The following PDE10A variants were observed in gnomAD, a reference collection of about 807,000 sequenced individuals.
PDE10A encodes phosphodiesterase 10A.
PDE10A carries 39 observed loss-of-function variants against 97.7 expected under a neutral mutation model. The observed-to-expected ratio is 0.40, with a 90% CI of 0.31 to 0.52. PDE10A has a LOEUF of 0.52. PDE10A is among the 20% of genes least tolerant of loss of function. PDE10A has a pLI of 0.56. For missense variants in PDE10A, 731 were observed against 1,047.8 expected, an observed-to-expected ratio of 0.70 and a Z score of 4.17; for synonymous variants, 371 against 376.8, an observed-to-expected ratio of 0.98 and a Z score of 0.18.
At chr6:165,763,594 A>G (rs1793304007) in intron 1 of PDE10A, among the ~76,000 whole-genome samples, 1 of 152,180 alleles carries the variant, frequency 6.6e-6, no homozygotes, top group African/African-American at 2.4e-5. Flanking sequence ...AAGTGCTAGG[A>G]TTACAGGTGC....
chr6:165,556,950 GC>G (rs553616427), intron 1 of PDE10A, among the ~76,000 whole-genome samples: 9 of 152,006 alleles, frequency 5.9e-5, no homozygotes, highest in Non-Finnish European at 1.2e-4. Flanking sequence ...CACCAGCCTG[GC>G]CAAAATGGTA....
chr6:165,985,168 C>A (rs1486172934), intron 1 of PDE10A, among the ~76,000 whole-genome samples: 1 of 152,212 alleles, frequency 6.6e-6, no homozygotes, highest in Non-Finnish European at 1.5e-5. Flanking sequence ...CTCAGATTCT[C>A]CAACATGCCT....
chr6:165,389,977 G>C (rs192429475), intron 16 of PDE10A, among the ~76,000 whole-genome samples: 3 of 152,276 alleles, frequency 2.0e-5, no homozygotes, highest in Admixed American at 1.3e-4. Flanking sequence ...ATTTTGAGTG[G>C]AATTCAGGTT....
chr6:165,796,347 A>C (rs1241051579), intron 1 of PDE10A, among the ~76,000 whole-genome samples: 2 of 151,910 alleles, frequency 1.3e-5, no homozygotes, highest in Non-Finnish European at 2.9e-5. Flanking sequence ...CAGCCTCCTA[A>C]AGTGCTGGGG....
chr6:165,747,091 G>A (rs1792860605), intron 1 of PDE10A, among the ~76,000 whole-genome samples: 1 of 152,000 alleles, frequency 6.6e-6, no homozygotes, highest in Non-Finnish European at 1.5e-5. Context: ...AAACTTGGAA[G>A]ATTTATAACA....
intron 3 of PDE10A, among the ~76,000 whole-genome samples, chr6:165,457,708 G>A (rs1201946495): frequency 1.3e-5 from 2 of 152,102 alleles, no homozygotes; most frequent in African/African-American, 2.4e-5. Context: ...GGGAACCAGG[G>A]GAAAGCCACT....
intron 2 of PDE10A, among the ~76,000 whole-genome samples, chr6:165,488,859 G>A (rs371733288): frequency 6.6e-6 from 1 of 152,048 alleles, no homozygotes; most frequent in South Asian, 2.1e-4. Context: ...GGCCCCCTGG[G>A]AACGTAACTC....
chr6:165,681,394 ATGTGTG>A lies in PDE10A; in HGVS notation c.-614-137832_-614-137827del, dbSNP rs145137771. Reference sequence around the variant, plus strand: ...TAACCTCAATAATTGTCTTGGGAAAATGTGTGTGTGTGTGTGTGTGTGTGTGTGTGT... The same window carrying A: ...TAACCTCAATAATTGTCTTGGGAAAATGTGTGTGTGTGTGTGTGTGTGTGT... On this transcript the variant is annotated intron_variant, in intron 1 of 19. Transcript: ENST00000366882. Among the ~76,000 whole-genome samples the A allele has an allele frequency of 1.0e-3, 155 of 150,556 alleles. 1 individual carries two copies. The highest frequency in any genetic ancestry group is 5.0e-3 in the Admixed American group (75 of 15,090).
Position 165,783,559 on chromosome 6 carries a change from A to C in PDE10A, c.-615+203970T>G, listed in dbSNP as rs1430177388. Among the ~76,000 whole-genome samples the C allele has an allele frequency of 8.7e-5, 13 of 148,804 alleles. No individual in the cohort carries two copies. The Admixed American group carries it at 8.9e-4, about 10-fold the overall frequency. On this transcript the variant is annotated intron_variant, in intron 1 of 19. Coordinates refer to the PDE10A transcript ENST00000366882. ...AAGTAGTGGTGGACATTGTTCACAG[A>C]AGAGAGGATGTTTTCTTATGAAAGG...
intron 1 of PDE10A, among the ~76,000 whole-genome samples, chr6:165,685,678 G>A (rs950900643): frequency 6.6e-6 from 1 of 152,058 alleles, no homozygotes; most frequent in Non-Finnish European, 1.5e-5. Context: ...TCCTCACTAT[G>A]AGAAAAGAAA....
chr6:165,809,614 A>G (rs562798968), intron 1 of PDE10A, among the ~76,000 whole-genome samples: 39 of 152,216 alleles, frequency 2.6e-4, no homozygotes, highest in Admixed American at 2.1e-3. Context: ...TGAGTGGCCA[A>G]TGTAGAGCCT....
At chr6:165,402,701 C>T (rs976526544) in intron 13 of PDE10A, among the ~76,000 whole-genome samples, 3 of 152,066 alleles carry the variant, frequency 2.0e-5, no homozygotes, top group African/African-American at 7.2e-5. Context: ...AAAAACAAAA[C>T]GATAAAGACA....
intron 1 of PDE10A, among the ~76,000 whole-genome samples, chr6:165,564,522 T>C (rs1295613649): frequency 1.3e-5 from 2 of 152,228 alleles, no homozygotes; most frequent in Admixed American, 6.5e-5. Flanking sequence ...ATATCACCTA[T>C]GGCCACCTGC....
At position 165,954,726 on chromosome 6, in the gene PDE10A, C is replaced by A. The variant is rs1012050889; in HGVS notation, c.-615+32803G>T. Among the ~76,000 whole-genome samples, 14 of 152,198 alleles carry A rather than the reference C, an allele frequency of 9.2e-5. No individual in the cohort carries two copies. The South Asian group carries it at 2.9e-3, about 32-fold the overall frequency. On this transcript the variant is annotated intron_variant, in intron 1 of 19. Transcript: ENST00000366882. ...GCCCACCAGGGATCGCACCAGAAGG[C>A]CTTACAAGAAGGCTCAGGGTTTCCG...
At chr6:165,825,317 G>A (rs1452317324) in intron 1 of PDE10A, among the ~76,000 whole-genome samples, 1 of 152,056 alleles carries the variant, frequency 6.6e-6, no homozygotes, top group African/African-American at 2.4e-5. Flanking sequence ...TGGCCAAGTG[G>A]GTCTTTTTCA....
intron 1 of PDE10A, among the ~76,000 whole-genome samples, chr6:165,982,408 G>A (rs187472523): frequency 6.6e-5 from 10 of 152,256 alleles, no homozygotes; most frequent in South Asian, 2.1e-4. Flanking sequence ...TACCACTTAC[G>A]TAATTTCCTA....
At position 165,973,730 on chromosome 6, in the gene PDE10A, G is replaced by A. The variant is rs556286188; in HGVS notation, c.-615+13799C>T. ...CCCAAACAAGGGGTGAGGTCAGGAC[G>A]TCGCAGGAATATCCAGACAGATGTG... On this transcript the variant is annotated intron_variant, in intron 1 of 19. Coordinates refer to the PDE10A transcript ENST00000366882. Among the ~76,000 whole-genome samples the A allele has an allele frequency of 6.6e-5, 10 of 152,326 alleles. No individual in the cohort carries two copies. The South Asian group carries it at 1.4e-3, about 22-fold the overall frequency.
intron 1 of PDE10A, among the ~76,000 whole-genome samples, chr6:165,712,714 A>G (rs908904151): frequency 3.7e-5 from 5 of 134,932 alleles, no homozygotes; most frequent in African/African-American, 1.1e-4. Context: ...ATCTCGGCTC[A>G]CTGCAAGCTC....
At chr6:165,794,564 TAC>T (rs969844886) in intron 1 of PDE10A, among the ~76,000 whole-genome samples, 3 of 151,118 alleles carry the variant, frequency 2.0e-5, no homozygotes, top group South Asian at 4.2e-4. Flanking sequence ...CAAGGTCACT[TAC>T]ACACACATTC....
Sources: allele counts gnomAD v4.1 joint callset (sites outside exome capture counted in the v4.1 genomes callset), GRCh38; gene constraint gnomAD v4.1.1; transcripts MANE v1.5; gene names NCBI Gene and HGNC (gene_info 2026-07-23, HGNC 2026-07-21).